SLC12A7: variants seen among roughly 807,000 people sequenced by gnomAD.
SLC12A7 encodes K-Cl cotransporter 4.
Under a neutral mutation model 120.6 loss-of-function variants are expected in SLC12A7, and 100 were observed. That is an observed-to-expected ratio of 0.83 (90% CI 0.71 to 0.98). The LOEUF (loss-of-function observed/expected upper bound fraction) is 0.98. Ranked by LOEUF, SLC12A7 falls within the 50% of genes least tolerant of loss-of-function variation. The pLI is 0.00. For missense variants in SLC12A7, 1,373 were observed against 1,548.1 expected, an observed-to-expected ratio of 0.89 and a Z score of 1.90; for synonymous variants, 760 against 678.0, an observed-to-expected ratio of 1.12 and a Z score of -1.88.
At chr5:1,090,187 C>A (rs1434758142) in intron 3 of SLC12A7, among the ~76,000 whole-genome samples, 2 of 152,222 alleles carry the variant, frequency 1.3e-5, no homozygotes, top group Non-Finnish European at 2.9e-5. Context: ...AACACCACAT[C>A]ACAAAAGCAA....
intron 3 of SLC12A7, among the ~76,000 whole-genome samples, chr5:1,089,593 C>T (rs954341328): frequency 1.3e-5 from 2 of 149,828 alleles, no homozygotes; most frequent in African/African-American, 2.5e-5. Context: ...AAAAAAAAAT[C>T]CACAGCTCAG....
At position 1,089,033 on chromosome 5, in the gene SLC12A7, C is replaced by A. The variant is rs1740202284; in HGVS notation, c.438G>T (p.Gly146=). The A allele has an allele frequency of 2.0e-5, 32 of 1,612,950 alleles. No homozygotes were observed. Among genetic ancestry groups the A allele is most frequent in the African/African-American group, 2.7e-5 (2 of 74,944 alleles). ...GGAAGGACTCCAGGACACCAGCCACCCCCACGATCCACGTCAGGCGCAGGA... is the reference window on the plus strand; with the variant it reads ...GGAAGGACTCCAGGACACCAGCCACACCCACGATCCACGTCAGGCGCAGGA... ...ILFLRLTWIV[G]VAGVLESFLI... The change falls in exon 4 of 24, where the codon GGG becomes GGT. Residue 146 remains glycine, a synonymous_variant. Transcript: ENST00000264930.
At position 1,051,042 on chromosome 5, in the gene SLC12A7, G is replaced by T. The variant is rs910558683; in HGVS notation, c.*1318C>A. Reference sequence around the variant, plus strand: ...CCTTGTTACCACGTAACTCCCTGGGGTGTTTAAATAAATAAATATGCCACA... The same window carrying T: ...CCTTGTTACCACGTAACTCCCTGGGTTGTTTAAATAAATAAATATGCCACA... On this transcript the variant is annotated 3_prime_UTR_variant, in exon 24 of 24. Transcript: ENST00000264930. The T allele has an allele frequency of 9.8e-5, 39 of 398,048 alleles. No homozygotes were observed. The highest frequency in any genetic ancestry group is 1.5e-4 in the Non-Finnish European group (34 of 225,954). The allele number at this position is 398,048 out of a possible 1,614,324, so 24.7% of individuals were successfully genotyped here.
chr5:1,134,932 G>T, the SLC12A7 span, among the ~76,000 whole-genome samples: 10 of 152,296 alleles, frequency 6.6e-5, no homozygotes, highest in Middle Eastern at 3.4e-3. Flanking sequence ...TTCGAGACCA[G>T]CCTGGCCAAC....
chr5:1,076,988 G>C (rs930192891), intron 12 of SLC12A7, among the ~76,000 whole-genome samples, 176 bp from the exon 13 acceptor site: 1 of 152,124 alleles, frequency 6.6e-6, no homozygotes, highest in Non-Finnish European at 1.5e-5. Flanking sequence ...CCTGACAAAG[G>C]GCTGCAGCCC....
At chr5:1,097,184 C>T (rs1741349825) in intron 1 of SLC12A7, among the ~76,000 whole-genome samples, 1 of 152,174 alleles carries the variant, frequency 6.6e-6, no homozygotes, top group Admixed American at 6.5e-5. Context: ...TGTCTGCGTT[C>T]AGCAAGCAAC....
At chr5:1,109,975 G>A (rs892041881) in intron 1 of SLC12A7, among the ~76,000 whole-genome samples, 16 of 152,206 alleles carry the variant, frequency 1.1e-4, no homozygotes, top group African/African-American at 3.4e-4. Flanking sequence ...GAGGGGCTCC[G>A]GCTTCTGCAG....
At chr5:1,075,941 G>T (rs1382700160) in intron 14 of SLC12A7, 197 bp downstream of exon 14, 2 of 574,600 alleles carry the variant, frequency 3.5e-6, no homozygotes. Flanking sequence ...CTCATCAGCT[G>T]CGCAGGGGCT....
the SLC12A7 span, among the ~76,000 whole-genome samples, chr5:1,154,508 T>G: frequency 6.6e-6 from 1 of 151,656 alleles, no homozygotes; most frequent in Non-Finnish European, 1.5e-5. Flanking sequence ...TATAGACATA[T>G]ACACATACCA....
At chr5:1,052,586 G>C in intron 23 of SLC12A7, 135 bp from the exon 24 acceptor site, 3 of 728,458 alleles carry the variant, frequency 4.1e-6, no homozygotes, top group East Asian at 2.6e-5. Flanking sequence ...GGTGAAAAGA[G>C]AGGTGGGGAT....
chr5:1,104,791 T>C (rs1412395096), intron 1 of SLC12A7, among the ~76,000 whole-genome samples: 2 of 152,184 alleles, frequency 1.3e-5, no homozygotes, highest in Non-Finnish European at 2.9e-5. Flanking sequence ...CCCACAACTG[T>C]TTCCTCAAAA....
At chr5:1,131,372 G>C in the SLC12A7 span, among the ~76,000 whole-genome samples, 3 of 152,240 alleles carry the variant, frequency 2.0e-5, no homozygotes, top group Admixed American at 2.0e-4. Context: ...AGCTGCTGAA[G>C]GGTGTGGGGG....
chr5:1,103,318 G>A (rs573040724), intron 1 of SLC12A7, among the ~76,000 whole-genome samples: 1 of 152,278 alleles, frequency 6.6e-6, no homozygotes, highest in South Asian at 2.1e-4. Flanking sequence ...CCAGGAGAGC[G>A]CCGGGAGATC....
chr5:1,064,288 G>C (rs1561041967), intron 18 of SLC12A7, 36 bp from the exon 19 acceptor site: 12 of 1,590,170 alleles, frequency 7.5e-6, no homozygotes, highest in Non-Finnish European at 1.0e-5. Flanking sequence ...GGTCATCTGA[G>C]GCCAGGGTGC....
At chr5:1,069,805 T>C (rs1474174725) in intron 17 of SLC12A7, among the ~76,000 whole-genome samples, 1 of 152,066 alleles carries the variant, frequency 6.6e-6, no homozygotes, top group African/African-American at 2.4e-5. Flanking sequence ...AAGCTTCCCA[T>C]AAGAAGTTTG....
chr5:1,067,051 G>A lies in SLC12A7; in HGVS notation c.2242-1573C>T, dbSNP rs1737130718. On this transcript the variant is annotated intron_variant, in intron 17 of 23. Transcript: ENST00000264930. The stretch of plus-strand genomic sequence containing the variant: ...CTGGCTCACACCTAGAGCTCCACCA[G>A]CCCTTCACACACAAAACAACATCCA... Among the ~76,000 whole-genome samples the A allele has an allele frequency of 6.6e-5, 10 of 152,164 alleles. No homozygotes were observed. In the South Asian group the frequency reaches 2.1e-3, roughly 32 times the overall value.
chr5:1,107,234 G>T (rs1456367530), intron 1 of SLC12A7, among the ~76,000 whole-genome samples: 3 of 152,222 alleles, frequency 2.0e-5, no homozygotes, highest in African/African-American at 7.2e-5. Flanking sequence ...AGTTCCCCGT[G>T]GTTCTGTGTT....
At chr5:1,149,279 C>G in the SLC12A7 span, among the ~76,000 whole-genome samples, 2 of 152,130 alleles carry the variant, frequency 1.3e-5, no homozygotes, top group Non-Finnish European at 2.9e-5. Flanking sequence ...ATTGTCCATT[C>G]TAAAAATAAG....
intron 17 of SLC12A7, among the ~76,000 whole-genome samples, chr5:1,069,262 G>C (rs1737383938): frequency 6.6e-6 from 1 of 152,200 alleles, no homozygotes; most frequent in Non-Finnish European, 1.5e-5. Flanking sequence ...ATGGGATCCT[G>C]GCCCTAGGCC....
Sources: gnomAD v4.1 joint callset for allele counts (sites outside exome capture counted in the v4.1 genomes callset) on GRCh38, gnomAD v4.1.1 for gene constraint, MANE v1.5 for transcripts, NCBI Gene and HGNC (gene_info 2026-07-23, HGNC 2026-07-21) for gene names.